XRRA1: variants seen among roughly 807,000 people sequenced by gnomAD.
XRRA1 encodes X-ray radiation resistance-associated protein 1.
A neutral mutation model predicts 80.2 loss-of-function variants in XRRA1; 69 were observed. The observed-to-expected ratio is 0.86, with a 90% CI of 0.71 to 1.05. The LOEUF (loss-of-function observed/expected upper bound fraction) is 1.05. XRRA1 is among the 50% of genes least tolerant of loss of function. The pLI, the probability that XRRA1 is intolerant of heterozygous loss-of-function variation, is 0.00. For missense variants in XRRA1, 967 were observed against 976.4 expected (o/e 0.99, Z 0.13); for synonymous variants, 348 against 389.9 (o/e 0.89, Z 1.27).
chr11:74,904,414 C>G (rs1015050181), intron 10 of XRRA1, among the ~76,000 whole-genome samples: 2 of 151,136 alleles, frequency 1.3e-5, no homozygotes, highest in Admixed American at 1.3e-4. Context: ...TGAGCACGAT[C>G]GTGTAACCGC....
At chr11:74,878,522 A>T (rs1367715026) in intron 10 of XRRA1, among the ~76,000 whole-genome samples, 1 of 152,032 alleles carries the variant, frequency 6.6e-6, no homozygotes, top group African/African-American at 2.4e-5. Flanking sequence ...GGTGTTTTAG[A>T]CATGAAGTCC....
chr11:74,933,972 A>G, intron 4 of XRRA1, 100 bp from the exon 5 acceptor site: 2 of 1,055,604 alleles, frequency 1.9e-6, no homozygotes, highest in Admixed American at 2.4e-5. Flanking sequence ...TATACTTGTC[A>G]TAATTTGTTT....
intron 4 of XRRA1, among the ~76,000 whole-genome samples, chr11:74,936,225 T>C (rs1320309974): frequency 1.3e-5 from 2 of 152,246 alleles, no homozygotes; most frequent in Admixed American, 1.3e-4. Flanking sequence ...ACAGAGCAGA[T>C]GTGAAACTAC....
At chr11:74,922,473 C>A (rs1051893601) in intron 7 of XRRA1, among the ~76,000 whole-genome samples, 2 of 152,084 alleles carry the variant, frequency 1.3e-5, no homozygotes, top group African/African-American at 4.8e-5. Flanking sequence ...AATATTTGTT[C>A]TCCTTCTCCT....
chr11:74,931,208 T>C (rs185370579), intron 5 of XRRA1, among the ~76,000 whole-genome samples: 9 of 152,234 alleles, frequency 5.9e-5, no homozygotes, highest in African/African-American at 1.9e-4. Flanking sequence ...AATGCAACAA[T>C]ATTTTAGGTA....
intron 7 of XRRA1, among the ~76,000 whole-genome samples, chr11:74,923,905 G>A (rs980900885): frequency 6.6e-6 from 1 of 152,128 alleles, no homozygotes; most frequent in African/African-American, 2.4e-5. Context: ...CATGGCTAGA[G>A]GGCAGTGGTG....
At chr11:74,934,018 A>C (rs667629) in intron 4 of XRRA1, 146 bp from the exon 5 acceptor site, 27 of 573,298 alleles carry the variant, frequency 4.7e-5, no homozygotes, top group Non-Finnish European at 6.6e-5. Context: ...TTCATTCATT[A>C]TTCATCCATT....
Position 74,936,974 on chromosome 11 carries a change from C to A in XRRA1, c.189G>T (p.Lys63Asn). The part of the protein sequence containing the change: ...GAQAERRESL[K>N]ATSFEFKGKK... Reference sequence around the variant, plus strand: ...TCCCCTTGAACTCAAAAGAAGTCGCCTTCAGGCTTTCCCGACGTTCAGCTT... The same window carrying A: ...TCCCCTTGAACTCAAAAGAAGTCGCATTCAGGCTTTCCCGACGTTCAGCTT... The change falls in exon 4 of 19, where the codon AAG (lysine) becomes AAT (asparagine). Residue 63 changes from lysine to asparagine, a missense_variant. Coordinates refer to ENST00000684022, the MANE Select transcript of XRRA1 (RefSeq NM_001378157.1). 1 of 1,613,874 alleles carries A rather than the reference C, an allele frequency of 6.2e-7. No homozygotes were observed. Among genetic ancestry groups the A allele is most frequent in the Non-Finnish European group, 8.5e-7 (1 of 1,179,872 alleles).
chr11:74,940,922 A>G, intron 2 of XRRA1, 40 bp from the exon 3 acceptor site: 1 of 1,487,898 alleles, frequency 6.7e-7, no homozygotes, highest in South Asian at 1.2e-5. Flanking sequence ...CAGAAGAGTG[A>G]AAAGGCACAG....
At chr11:74,854,746 G>A (rs377720823) in intron 12 of XRRA1, among the ~76,000 whole-genome samples, 119 of 152,248 alleles carry the variant, frequency 7.8e-4, no homozygotes, top group African/African-American at 2.8e-3. Flanking sequence ...CTGGCTGGGC[G>A]CGGTGGCTCA....
At chr11:74,938,439 A>T (rs1365694019) in intron 3 of XRRA1, among the ~76,000 whole-genome samples, 2 of 152,386 alleles carry the variant, frequency 1.3e-5, no homozygotes, top group East Asian at 3.9e-4. Flanking sequence ...GAAGGTTCAG[A>T]GTGTGTCAGG....
At chr11:74,846,710 A>T (rs962337554) in intron 15 of XRRA1, among the ~76,000 whole-genome samples, 10 of 152,164 alleles carry the variant, frequency 6.6e-5, no homozygotes, top group African/African-American at 2.2e-4. Context: ...TCATGATTAA[A>T]AAACACTCAA....
intron 5 of XRRA1, among the ~76,000 whole-genome samples, chr11:74,932,692 C>T (rs146849856): frequency 8.5e-5 from 13 of 152,300 alleles, no homozygotes; most frequent in Non-Finnish European, 1.9e-4. Flanking sequence ...TTTGTCTCAC[C>T]GTTATATGTG....
intron 10 of XRRA1, among the ~76,000 whole-genome samples, chr11:74,891,867 AAGG>A (rs2050804096): frequency 2.0e-5 from 3 of 152,354 alleles, no homozygotes; most frequent in Admixed American, 1.3e-4. Flanking sequence ...GGACCTCTTC[AAGG>A]AGAACTACAA....
At position 74,933,645 on chromosome 11, in the gene XRRA1, C is replaced by T; in HGVS notation, c.351+156G>A. 3.3e-6 allele frequency: 2 copies of T among 608,114 alleles called. 1 individual carries two copies. The highest frequency in any genetic ancestry group is 5.8e-6 in the Non-Finnish European group (2 of 343,832). 37.7% of individuals were successfully genotyped at this position (608,114 alleles called of 1,614,324 possible). On this transcript the variant is annotated intron_variant, in intron 5 of 18. Transcript: ENST00000684022. ...GTTTGTGTCTGAATATTGTTTCAAC[C>T]CAATAAATCCTTGTCTGACTCTCCT... is the stretch of plus-strand genomic sequence containing the variant.
intron 1 of XRRA1, among the ~76,000 whole-genome samples, chr11:74,946,153 G>A (rs908147497): frequency 2.6e-4 from 39 of 151,986 alleles, no homozygotes; most frequent in Admixed American, 2.3e-3. Flanking sequence ...GATAGAGATG[G>A]GTTTTCACCA....
chr11:74,940,703 G>T, intron 3 of XRRA1, 82 bp downstream of exon 3: 3 of 1,141,868 alleles, frequency 2.6e-6, no homozygotes, highest in Non-Finnish European at 3.8e-6. Flanking sequence ...TGAAGGGGTT[G>T]GAGAAGAACA....
intron 3 of XRRA1, among the ~76,000 whole-genome samples, chr11:74,937,569 A>C (rs1057371766): frequency 6.6e-6 from 1 of 152,084 alleles, no homozygotes; most frequent in African/African-American, 2.4e-5. Context: ...ATGGTGTTAG[A>C]AACTTGGAAT....
chr11:74,936,150 C>T (rs1565444958), intron 4 of XRRA1, among the ~76,000 whole-genome samples: 1 of 152,236 alleles, frequency 6.6e-6, no homozygotes, highest in Non-Finnish European at 1.5e-5. Flanking sequence ...GCTATGAGAA[C>T]TCGACTGCAC....
Sources: allele counts gnomAD v4.1 joint callset (sites outside exome capture counted in the v4.1 genomes callset), GRCh38; gene constraint gnomAD v4.1.1; transcripts MANE v1.5; gene names NCBI Gene and HGNC (gene_info 2026-07-23, HGNC 2026-07-21).